Variants in NKAIN3 observed in about 807,000 individuals in gnomAD.
NKAIN3 encodes sodium/potassium-transporting ATPase subunit beta-1-interacting protein 3.
NKAIN3 carries 25 observed loss-of-function variants against 30.2 expected under a neutral mutation model. The ratio of observed to expected loss-of-function variants is 0.83; its 90% confidence interval spans 0.60 to 1.16. The LOEUF is 1.16. Ranked by LOEUF, NKAIN3 falls within the 50% of genes most tolerant of loss-of-function variation. The pLI is 0.00. For synonymous variants in NKAIN3, 91 were observed against 89.6 expected (o/e 1.02, Z -0.09); for missense variants, 225 against 254.1 (o/e 0.89, Z 0.78).
intron 4 of NKAIN3, among the ~76,000 whole-genome samples, chr8:62,755,610 T>A (rs547863887): frequency 6.6e-6 from 1 of 152,182 alleles, no homozygotes; most frequent in South Asian, 2.1e-4. Flanking sequence ...CAACCTCTCC[T>A]GTCCCAAAAG....
intron 1 of NKAIN3, among the ~76,000 whole-genome samples, chr8:62,315,823 T>C (rs1585668913): frequency 6.6e-6 from 1 of 152,210 alleles, no homozygotes; most frequent in Non-Finnish European, 1.5e-5. Flanking sequence ...TTAGCACTTA[T>C]TCTCAATAAC....
chr8:62,577,646 A>T (rs1413281892), intron 1 of NKAIN3, among the ~76,000 whole-genome samples: 3 of 150,822 alleles, frequency 2.0e-5, no homozygotes, highest in South Asian at 2.1e-4. Context: ...GTTCCCAGGA[A>T]CTAATTTTTA....
chr8:62,299,492 A>G (rs1264459869), intron 1 of NKAIN3, among the ~76,000 whole-genome samples: 1 of 152,158 alleles, frequency 6.6e-6, no homozygotes, highest in African/African-American at 2.4e-5. Flanking sequence ...TAATTTTGCT[A>G]TAGTGAGTGC....
chr8:62,747,046 T>G lies in NKAIN3; in HGVS notation c.388T>G (p.Tyr130Asp), dbSNP rs573934282. Reference protein sequence around the residue: ...PPSAHGMMDDYTYVSVTGCIV... With the variant: ...PPSAHGMMDDDTYVSVTGCIV... ...CTCAGCCCATGGCATGATGGACGAT[T>G]ACACGTACGTCTCTGTCACAGGCTG... The change falls in exon 4 of 7, where the codon TAC becomes GAC. Residue 130 changes from tyrosine (Y) to aspartate (D), a missense_variant. By Grantham distance (160) the Tyr-to-Asp change is radical. Coordinates refer to ENST00000623646, the MANE Select transcript of NKAIN3 (RefSeq NM_001304533.3). 1 of 1,613,716 alleles carries G rather than the reference T, an allele frequency of 6.2e-7. No homozygotes were observed. The highest frequency in any genetic ancestry group is 1.7e-5 in the Admixed American group (1 of 60,016).
At chr8:62,793,097 A>G (rs751862406) in intron 4 of NKAIN3, among the ~76,000 whole-genome samples, 10 of 152,060 alleles carry the variant, frequency 6.6e-5, no homozygotes, top group Non-Finnish European at 1.3e-4. Flanking sequence ...GCCACCTTCA[A>G]CTTTGGCATT....
At chr8:62,387,726 G>A (rs973417768) in intron 1 of NKAIN3, among the ~76,000 whole-genome samples, 10 of 152,044 alleles carry the variant, frequency 6.6e-5, no homozygotes, top group African/African-American at 1.4e-4. Flanking sequence ...ACTTAACCAC[G>A]TTCCTTATCT....
intron 1 of NKAIN3, among the ~76,000 whole-genome samples, chr8:62,260,966 T>C (rs1031625745): frequency 8.5e-5 from 13 of 152,148 alleles, no homozygotes; most frequent in Non-Finnish European, 1.6e-4. Context: ...CTCTTCCCAA[T>C]TGTACATCCA....
intron 1 of NKAIN3, among the ~76,000 whole-genome samples, chr8:62,361,777 A>G (rs9694255): frequency 4.6e-4 from 70 of 152,340 alleles, no homozygotes; most frequent in African/African-American, 1.7e-3. Context: ...TTGTGTTTAA[A>G]AATATTTTCC....
intron 1 of NKAIN3, among the ~76,000 whole-genome samples, chr8:62,270,043 T>C (rs943817841): frequency 1.3e-5 from 2 of 152,096 alleles, no homozygotes; most frequent in African/African-American, 4.8e-5. Flanking sequence ...ATTATTATTA[T>C]TATTTTATTT....
At chr8:62,814,741 G>A (rs1271575133) in intron 4 of NKAIN3, among the ~76,000 whole-genome samples, 13 of 152,076 alleles carry the variant, frequency 8.5e-5, no homozygotes, top group African/African-American at 3.1e-4. Context: ...AGTGTGTAGA[G>A]GGAAATTTAT....
intron 1 of NKAIN3, among the ~76,000 whole-genome samples, chr8:62,466,878 G>A (rs369973715): frequency 6.6e-6 from 1 of 151,982 alleles, no homozygotes; most frequent in South Asian, 2.1e-4. Context: ...AATTGAAAAG[G>A]CATTACTACT....
chr8:62,931,491 C>G (rs1303944060), intron 5 of NKAIN3, among the ~76,000 whole-genome samples: 1 of 152,114 alleles, frequency 6.6e-6, no homozygotes. Flanking sequence ...ATGGGATTAG[C>G]TTACTTTGTT....
At chr8:62,997,324 A>T (rs757203467) in intron 5 of NKAIN3, among the ~76,000 whole-genome samples, 20 of 152,142 alleles carry the variant, frequency 1.3e-4, no homozygotes, top group Non-Finnish European at 2.5e-4. Flanking sequence ...ATTTGGATTA[A>T]CTTCTGAAAA....
At chr8:62,392,814 A>C (rs1317921147) in intron 1 of NKAIN3, among the ~76,000 whole-genome samples, 1 of 152,028 alleles carries the variant, frequency 6.6e-6, no homozygotes, top group Admixed American at 6.5e-5. Context: ...TGCAGATTAG[A>C]ATTTTTTAAA....
At chr8:62,527,656 T>C (rs1473319133) in intron 1 of NKAIN3, among the ~76,000 whole-genome samples, 1 of 152,158 alleles carries the variant, frequency 6.6e-6, no homozygotes, top group African/African-American at 2.4e-5. Context: ...CACTATGGAC[T>C]AGTTAAGAAG....
intron 1 of NKAIN3, among the ~76,000 whole-genome samples, chr8:62,262,943 A>C (rs537390165): frequency 1.3e-4 from 20 of 152,288 alleles, no homozygotes; most frequent in African/African-American, 4.6e-4. Flanking sequence ...TATGATTTTT[A>C]TAGCTCAGTT....
intron 1 of NKAIN3, among the ~76,000 whole-genome samples, chr8:62,481,349 G>A (rs1806711753): frequency 6.6e-6 from 1 of 151,922 alleles, no homozygotes; most frequent in South Asian, 2.1e-4. Context: ...ATCCTGGAGG[G>A]CACTTCTCAG....
chr8:62,866,789 C>G (rs6472055), intron 4 of NKAIN3, among the ~76,000 whole-genome samples: 105,665 of 151,552 alleles, frequency 0.7, 37,575 homozygotes, highest in African/African-American at 0.8. Context: ...GCTCACGCCT[C>G]TAATCCCAGC....
chr8:62,897,300 A>G (rs1821457300), intron 4 of NKAIN3, among the ~76,000 whole-genome samples: 1 of 152,206 alleles, frequency 6.6e-6, no homozygotes, highest in Non-Finnish European at 1.5e-5. Flanking sequence ...TTTTTATTAC[A>G]TTGAGGACTT....
Sources: allele counts gnomAD v4.1 joint callset (sites outside exome capture counted in the v4.1 genomes callset), GRCh38; gene constraint gnomAD v4.1.1; transcripts MANE v1.5; gene names NCBI Gene and HGNC (gene_info 2026-07-23, HGNC 2026-07-21).